PIP5K1B: variants seen among roughly 807,000 people sequenced by gnomAD.
The protein encoded by PIP5K1B is phosphatidylinositol-4-phosphate 5-kinase type 1 beta.
In PIP5K1B, 42 loss-of-function variants were observed where a neutral mutation model predicts 67.0. That is an observed-to-expected ratio of 0.63 (90% CI 0.49 to 0.81). The LOEUF (loss-of-function observed/expected upper bound fraction) is 0.81. Among genes scored for constraint, PIP5K1B ranks in the 30% least tolerant of loss-of-function variants. PIP5K1B has a pLI of 0.00. For synonymous variants in PIP5K1B, 214 were observed against 231.4 expected (o/e 0.92, Z 0.68); for missense variants, 459 against 646.3 (o/e 0.71, Z 3.14).
intron 5 of PIP5K1B, 48 bp downstream of exon 5, chr9:68,864,015 T>C (rs1823239311): frequency 1.3e-6 from 2 of 1,580,396 alleles, no homozygotes; most frequent in Non-Finnish European, 1.7e-6. Flanking sequence ...GGAACCTTCT[T>C]TGTGACAACC....
chr9:68,760,125 C>A (rs925291429), intron 2 of PIP5K1B, among the ~76,000 whole-genome samples: 1 of 152,044 alleles, frequency 6.6e-6, no homozygotes, highest in African/African-American at 2.4e-5. Context: ...TTGGTGTGCA[C>A]AACATCTGTG....
chr9:68,884,450 C>T (rs1275369287), intron 6 of PIP5K1B, among the ~76,000 whole-genome samples: 2 of 151,468 alleles, frequency 1.3e-5, no homozygotes, highest in African/African-American at 4.9e-5. Flanking sequence ...GATTGCTTAG[C>T]CCAGAAGTTT....
intron 8 of PIP5K1B, among the ~76,000 whole-genome samples, chr9:68,899,919 G>A (rs180687360): frequency 2.0e-5 from 3 of 151,878 alleles, no homozygotes; most frequent in African/African-American, 4.8e-5. Context: ...TCCTCCTCCC[G>A]CCCTCCACCC....
At chr9:68,753,890 C>T (rs1234623436) in intron 2 of PIP5K1B, among the ~76,000 whole-genome samples, 1 of 151,630 alleles carries the variant, frequency 6.6e-6, no homozygotes. Flanking sequence ...GAACTCCTGA[C>T]CTCAGGTGAT....
intron 15 of PIP5K1B, among the ~76,000 whole-genome samples, chr9:69,005,548 G>T (rs1308576431): frequency 6.6e-6 from 1 of 152,148 alleles, no homozygotes; most frequent in Non-Finnish European, 1.5e-5. Context: ...GGCTAATTTT[G>T]TATTTTTAGT....
rs550871261 is a variant in PIP5K1B at position 68,997,434 on chromosome 9, G to A, written c.1620+6177G>A. Among the ~76,000 whole-genome samples the A allele has an allele frequency of 2.6e-5, 4 of 152,236 alleles. No individual in the cohort carries two copies. In the East Asian group the frequency reaches 5.8e-4, roughly 22 times the overall value. On this transcript the variant is annotated intron_variant, in intron 15 of 15. Transcript: ENST00000265382. ...CTTATTCCTTCTCAGGAGAGAACTCGATCCCCTACCAACCAAAGATGCTGC... is the reference window on the plus strand; with the variant it reads ...CTTATTCCTTCTCAGGAGAGAACTCAATCCCCTACCAACCAAAGATGCTGC...
chr9:68,780,543 G>T (rs1196543830), intron 2 of PIP5K1B: 1 of 1,614,162 alleles, frequency 6.2e-7, no homozygotes, highest in Non-Finnish European at 8.5e-7. Flanking sequence ...GAGTGACAAC[G>T]ACGTGGAGAA....
chr9:68,715,862 A>G (rs1827611680), intron 1 of PIP5K1B, among the ~76,000 whole-genome samples: 1 of 152,202 alleles, frequency 6.6e-6, no homozygotes, highest in Non-Finnish European at 1.5e-5. Flanking sequence ...ACCTGTCATG[A>G]GCCGCATTTC....
At chr9:68,859,329 T>C (rs947941510) in intron 4 of PIP5K1B, among the ~76,000 whole-genome samples, 2 of 152,244 alleles carry the variant, frequency 1.3e-5, no homozygotes, top group Admixed American at 6.5e-5. Flanking sequence ...GCTGTGAAAC[T>C]AAACGTTTGT....
chr9:68,740,455 CA>C (rs1186354802), intron 1 of PIP5K1B, among the ~76,000 whole-genome samples: 15 of 152,326 alleles, frequency 9.8e-5, no homozygotes, highest in Middle Eastern at 3.4e-3. Flanking sequence ...TAGTTCACAA[CA>C]GTAGAAGACA....
chr9:68,738,948 G>A (rs1828872013), intron 1 of PIP5K1B, among the ~76,000 whole-genome samples: 1 of 151,882 alleles, frequency 6.6e-6, no homozygotes, highest in Non-Finnish European at 1.5e-5. Flanking sequence ...TTCTGGATGA[G>A]CCTATACCCT....
At chr9:68,713,808 T>C (rs571562525) in intron 1 of PIP5K1B, among the ~76,000 whole-genome samples, 1 of 152,342 alleles carries the variant, frequency 6.6e-6, no homozygotes, top group South Asian at 2.1e-4. Flanking sequence ...TGGTCCTGGC[T>C]GTCAAGGAGG....
At chr9:68,798,660 G>A (rs1832424190) in intron 2 of PIP5K1B, among the ~76,000 whole-genome samples, 1 of 152,154 alleles carries the variant, frequency 6.6e-6, no homozygotes, top group Non-Finnish European at 1.5e-5. Flanking sequence ...GCAGGCAACA[G>A]ACCACACGGG....
intron 6 of PIP5K1B, among the ~76,000 whole-genome samples, chr9:68,879,235 C>T (rs1587605087): frequency 6.6e-6 from 1 of 152,150 alleles, no homozygotes; most frequent in Admixed American, 6.6e-5. Flanking sequence ...CTGGGATGTA[C>T]TTCAATAGTA....
chr9:69,003,254 G>T (rs1279597406), intron 15 of PIP5K1B, among the ~76,000 whole-genome samples: 1 of 152,032 alleles, frequency 6.6e-6, no homozygotes, highest in African/African-American at 2.4e-5. Flanking sequence ...GAAAAAAAGA[G>T]AATTCAGAAT....
At chr9:68,954,767 G>C (rs1042859994) in intron 14 of PIP5K1B, among the ~76,000 whole-genome samples, 6 of 152,164 alleles carry the variant, frequency 3.9e-5, no homozygotes, top group African/African-American at 1.4e-4. Context: ...CAAGTAACTG[G>C]AGTTGCACCA....
intron 4 of PIP5K1B, 76 bp downstream of exon 4, chr9:68,822,759 C>T (rs2132072964): frequency 2.0e-6 from 2 of 989,028 alleles, no homozygotes; most frequent in African/African-American, 1.6e-5. Flanking sequence ...AAGGCCTTTC[C>T]TTCTCCCAAG....
chr9:68,973,481 T>C (rs1295285874), intron 14 of PIP5K1B, among the ~76,000 whole-genome samples: 3 of 152,058 alleles, frequency 2.0e-5, no homozygotes, highest in East Asian at 3.9e-4. Flanking sequence ...TAAGAGGAGG[T>C]CAAAAACATA....
intron 15 of PIP5K1B, among the ~76,000 whole-genome samples, chr9:69,001,354 C>T (rs192467336): frequency 6.6e-6 from 1 of 152,126 alleles, no homozygotes; most frequent in Admixed American, 6.5e-5. Context: ...CCTCCCCCCA[C>T]ATTTTTCAAA....
Sources: allele counts gnomAD v4.1 joint callset (sites outside exome capture counted in the v4.1 genomes callset), GRCh38; gene constraint gnomAD v4.1.1; transcripts MANE v1.5; gene names NCBI Gene and HGNC (gene_info 2026-07-23, HGNC 2026-07-21).